Variants in CCSER1 observed in about 807,000 individuals in gnomAD.
CCSER1 encodes coiled-coil serine rich protein 1, also known as serine-rich coiled-coil domain-containing protein 1.
In CCSER1, 41 loss-of-function variants were observed where a neutral mutation model predicts 82.0. The ratio of observed to expected loss-of-function variants is 0.50; its 90% confidence interval spans 0.39 to 0.65. CCSER1 has a LOEUF of 0.65. Among genes scored for constraint, CCSER1 ranks in the 30% least tolerant of loss-of-function variants. The pLI is 0.00. For missense variants in CCSER1, 1,119 were observed against 1,064.2 expected (o/e 1.05, Z -0.72); for synonymous variants, 414 against 383.9 (o/e 1.08, Z -0.92).
intron 5 of CCSER1, among the ~76,000 whole-genome samples, chr4:90,593,431 C>T (rs111731402): frequency 2.6e-5 from 4 of 152,124 alleles, no homozygotes; most frequent in Admixed American, 6.6e-5. Context: ...GGAGCAGGCC[C>T]GAGGATAGAG....
At chr4:90,195,567 G>A (rs572038721) in intron 1 of CCSER1, among the ~76,000 whole-genome samples, 4 of 152,004 alleles carry the variant, frequency 2.6e-5, no homozygotes, top group Admixed American at 1.3e-4. Context: ...CATAGGATAC[G>A]CAAGACCAAG....
intron 10 of CCSER1, among the ~76,000 whole-genome samples, chr4:91,135,028 C>T (rs1283972668): frequency 1.3e-5 from 2 of 151,872 alleles, no homozygotes; most frequent in African/African-American, 4.8e-5. Context: ...CCACTCCACT[C>T]CAGCCTGGCG....
chr4:91,143,445 C>T (rs1257755697), intron 10 of CCSER1, among the ~76,000 whole-genome samples: 1 of 151,992 alleles, frequency 6.6e-6, no homozygotes, highest in African/African-American at 2.4e-5. Context: ...AATTTGACTT[C>T]TTTTTCTATT....
At chr4:91,059,194 C>T (rs956269354) in intron 9 of CCSER1, among the ~76,000 whole-genome samples, 1 of 151,426 alleles carries the variant, frequency 6.6e-6, no homozygotes, top group Non-Finnish European at 1.5e-5. Context: ...TATATTCTGT[C>T]TATATTATTC....
chr4:90,409,331 G>C (rs1754291392), intron 4 of CCSER1, among the ~76,000 whole-genome samples: 1 of 152,148 alleles, frequency 6.6e-6, no homozygotes, highest in African/African-American at 2.4e-5. Context: ...ATAATTGTCA[G>C]ATTCACCAAA....
intron 10 of CCSER1, among the ~76,000 whole-genome samples, chr4:91,439,273 AGCG>A (rs1332729817): frequency 1.3e-5 from 2 of 152,214 alleles, no homozygotes; most frequent in Non-Finnish European, 2.9e-5. Context: ...TCAGACTAAC[AGCG>A]GATCTCTCGG....
chr4:90,491,390 T>G (rs1277476600), intron 5 of CCSER1, among the ~76,000 whole-genome samples: 2 of 152,204 alleles, frequency 1.3e-5, no homozygotes, highest in African/African-American at 4.8e-5. Flanking sequence ...CTGCTGAATT[T>G]GCTTATCAGC....
intron 10 of CCSER1, among the ~76,000 whole-genome samples, chr4:91,458,031 G>A (rs1756290996): frequency 6.6e-6 from 1 of 152,064 alleles, no homozygotes; most frequent in South Asian, 2.1e-4. Flanking sequence ...CCATGCTTTA[G>A]CTTTAGTAGC....
intron 10 of CCSER1, among the ~76,000 whole-genome samples, chr4:91,289,549 G>A (rs1444057667): frequency 6.6e-6 from 1 of 151,980 alleles, no homozygotes; most frequent in Non-Finnish European, 1.5e-5. Context: ...TTCATTAAAA[G>A]CTCAGTAACA....
chr4:90,759,113 C>A (rs887902603), intron 7 of CCSER1, among the ~76,000 whole-genome samples: 2 of 152,212 alleles, frequency 1.3e-5, no homozygotes, highest in Middle Eastern at 3.4e-3. Flanking sequence ...TTATTAAATT[C>A]TCTTAGCCGT....
chr4:90,898,269 C>CTTTCTTTTTTTTTTTTT (rs1724034342), intron 8 of CCSER1, among the ~76,000 whole-genome samples: 1 of 52,532 alleles, frequency 1.9e-5, no homozygotes, highest in Non-Finnish European at 4.0e-5. Flanking sequence ...TTTAATCCAT[C>CTTTCTTTTTTTTTTTTT]TTTTTTTTTT....
intron 1 of CCSER1, among the ~76,000 whole-genome samples, chr4:90,237,644 T>G (rs1197935805): frequency 1.3e-5 from 2 of 152,184 alleles, no homozygotes; most frequent in African/African-American, 4.8e-5. Flanking sequence ...ATGGGAAGTC[T>G]TTGGAAATGG....
intron 5 of CCSER1, among the ~76,000 whole-genome samples, chr4:90,622,765 C>G (rs1360947759): frequency 6.6e-6 from 1 of 152,014 alleles, no homozygotes; most frequent in Admixed American, 6.6e-5. Context: ...GATTTATAAT[C>G]CTTTGGGTAT....
chr4:91,235,479 A>AT (rs1323823873), intron 10 of CCSER1, among the ~76,000 whole-genome samples: 1 of 152,098 alleles, frequency 6.6e-6, no homozygotes, highest in African/African-American at 2.4e-5. Context: ...GCATTTTTGA[A>AT]TTTTTATAAA....
chr4:90,205,716 C>G lies in CCSER1; in HGVS notation c.-42+77885C>G, dbSNP rs551257042. Among the ~76,000 whole-genome samples the G allele has an allele frequency of 1.2e-3, 188 of 152,148 alleles. 2 individuals are homozygous for G. Among genetic ancestry groups the G allele is most frequent in the East Asian group, 9.3e-3 (48 of 5,170 alleles). On this transcript the variant is annotated intron_variant, in intron 1 of 10. Coordinates refer to ENST00000509176, the MANE Select transcript of CCSER1 (RefSeq NM_001145065.2). The stretch of plus-strand genomic sequence containing the variant: ...TCAGGATGATACTGGCTTCATAAAA[C>G]AAGTTAGGGAGGAGTCCCTCTTTTT...
At chr4:90,408,448 G>A (rs1418264004) in intron 4 of CCSER1, among the ~76,000 whole-genome samples, 1 of 152,178 alleles carries the variant, frequency 6.6e-6, no homozygotes, top group African/African-American at 2.4e-5. Flanking sequence ...CCAGAGGAAC[G>A]ATTAAGCAGC....
At chr4:91,094,820 A>G (rs1317561541) in intron 10 of CCSER1, among the ~76,000 whole-genome samples, 1 of 152,090 alleles carries the variant, frequency 6.6e-6, no homozygotes. Flanking sequence ...GGGGACTGTA[A>G]GGGCCATGAT....
intron 10 of CCSER1, among the ~76,000 whole-genome samples, chr4:91,466,338 T>C (rs940002700): frequency 6.6e-6 from 1 of 152,152 alleles, no homozygotes; most frequent in African/African-American, 2.4e-5. Flanking sequence ...AAATTAGGTA[T>C]TGATGGGACG....
intron 10 of CCSER1, among the ~76,000 whole-genome samples, chr4:91,336,087 G>A (rs907750834): frequency 6.6e-6 from 1 of 152,070 alleles, no homozygotes; most frequent in East Asian, 1.9e-4. Flanking sequence ...TATGTACATA[G>A]TAAGAGGAAA....
Sources: allele counts gnomAD v4.1 joint callset (sites outside exome capture counted in the v4.1 genomes callset), GRCh38; gene constraint gnomAD v4.1.1; transcripts MANE v1.5; gene names NCBI Gene and HGNC (gene_info 2026-07-23, HGNC 2026-07-21).